VPS35L: variants seen among roughly 807,000 people sequenced by gnomAD.
VPS35L encodes VPS35 endosomal protein-sorting factor-like.
VPS35L carries 83 observed loss-of-function variants against 133.0 expected under a neutral mutation model. That is an observed-to-expected ratio of 0.62 (90% CI 0.52 to 0.75). VPS35L has a LOEUF of 0.75. Ranked by LOEUF, VPS35L falls within the 30% of genes least tolerant of loss-of-function variation. The pLI is 0.00. For synonymous variants in VPS35L, 423 were observed against 449.9 expected (o/e 0.94, Z 0.76); for missense variants, 1,083 against 1,206.8 (o/e 0.90, Z 1.52).
intron 8 of VPS35L, among the ~76,000 whole-genome samples, chr16:19,594,837 G>T (rs1972158166): frequency 6.6e-6 from 1 of 151,894 alleles, no homozygotes; most frequent in African/African-American, 2.4e-5. Context: ...AGGTGAGGGG[G>T]TAGGGGTGCA....
At chr16:19,609,478 T>C (rs1972640708) in intron 11 of VPS35L, among the ~76,000 whole-genome samples, 1 of 152,116 alleles carries the variant, frequency 6.6e-6, no homozygotes, top group African/African-American at 2.4e-5. Context: ...CTGTTGATGA[T>C]GATGATGATG....
At chr16:19,608,347 A>G in intron 10 of VPS35L, 73 bp downstream of exon 10, 1 of 1,091,078 alleles carries the variant, frequency 9.2e-7, no homozygotes, top group East Asian at 2.4e-5. Flanking sequence ...AATAGAAGCC[A>G]TGTGATGGGA....
intron 16 of VPS35L, among the ~76,000 whole-genome samples, 195 bp from the exon 17 acceptor site, chr16:19,628,442 A>T (rs1166984084): frequency 6.6e-6 from 1 of 152,208 alleles, no homozygotes; most frequent in Non-Finnish European, 1.5e-5. Context: ...TTAGACCAAC[A>T]GATGGAGCTA....
chr16:19,580,049 A>G (rs1971660532), intron 6 of VPS35L, among the ~76,000 whole-genome samples: 1 of 150,606 alleles, frequency 6.6e-6, no homozygotes, highest in African/African-American at 2.4e-5. Context: ...AAAATACAAA[A>G]ATTAGCTGGG....
chr16:19,630,212 A>G lies in VPS35L; in HGVS notation c.1554+392A>G, dbSNP rs192579070. On this transcript the variant is annotated intron_variant, in intron 18 of 30. Transcript: ENST00000417362. ...ATTTCTTTCCCTAGGCACAGACTAG[A>G]ACCACAGTTAGGGGAATACTGGGCT... Among the ~76,000 whole-genome samples, 235 of 152,284 alleles carry G rather than the reference A, an allele frequency of 1.5e-3. 2 individuals carry two copies. The highest frequency in any genetic ancestry group is 4.9e-3 in the African/African-American group (202 of 41,574).
intron 12 of VPS35L, chr16:19,611,769 TG>T (rs36098285): frequency 6.6e-6 from 1 of 151,830 alleles, no homozygotes. Context: ...GCTTGAAACC[TG>T]GGGGGGATTT....
At chr16:19,631,780 C>G (rs1973463227) in intron 18 of VPS35L, among the ~76,000 whole-genome samples, 1 of 152,184 alleles carries the variant, frequency 6.6e-6, no homozygotes, top group African/African-American at 2.4e-5. Context: ...GCAATCGTCA[C>G]TCACTCCAGC....
intron 12 of VPS35L, among the ~76,000 whole-genome samples, chr16:19,611,466 C>G (rs983631662): frequency 6.6e-6 from 1 of 152,188 alleles, no homozygotes; most frequent in Admixed American, 6.5e-5. Flanking sequence ...GACAAAGCTG[C>G]AGTTAGAGCC....
chr16:19,647,489 T>TA (rs1973986224), intron 23 of VPS35L, among the ~76,000 whole-genome samples: 1 of 152,292 alleles, frequency 6.6e-6, no homozygotes, highest in Non-Finnish European at 1.5e-5. Context: ...GTGTGACTGT[T>TA]ACGATGGCAA....
intron 8 of VPS35L, among the ~76,000 whole-genome samples, chr16:19,595,312 C>T (rs1281654928): frequency 6.6e-6 from 1 of 152,068 alleles, no homozygotes; most frequent in Non-Finnish European, 1.5e-5. Context: ...GTGGCTTGGC[C>T]CCGGGAGGCG....
chr16:19,567,496 T>C (rs1971225264), intron 2 of VPS35L, among the ~76,000 whole-genome samples: 1 of 152,060 alleles, frequency 6.6e-6, no homozygotes, highest in Non-Finnish European at 1.5e-5. Context: ...AAATAAAAAT[T>C]GGGGTATTAA....
At chr16:19,559,281 G>T (rs1040963785) in intron 1 of VPS35L, among the ~76,000 whole-genome samples, 9 of 152,184 alleles carry the variant, frequency 5.9e-5, no homozygotes. Flanking sequence ...CTGTAGGCCT[G>T]GGGTATTTCA....
chr16:19,647,824 A>G lies in VPS35L; in HGVS notation c.1970A>G (p.Tyr657Cys). The G allele has an allele frequency of 6.2e-7, 1 of 1,614,078 alleles. No individual in the cohort carries two copies. Among genetic ancestry groups the G allele is most frequent in the East Asian group, 2.2e-5 (1 of 44,876 alleles). ...GATTTTGAACAACAGCTGAGTTTTT[A>G]TGTTGAGTCCAGGTCGATGTTTTGC... ...GRDFEQQLSF[Y>C]VESRSMFCNL... Residue 657 changes from tyrosine to cysteine, a missense_variant, in exon 24 of 31, where the codon TAT (tyrosine) becomes TGT (cysteine). Transcript: ENST00000417362.
At chr16:19,588,355 T>A (rs1371074450) in intron 7 of VPS35L, among the ~76,000 whole-genome samples, 1 of 151,324 alleles carries the variant, frequency 6.6e-6, no homozygotes, top group African/African-American at 2.4e-5. Context: ...CCCGGCTGAT[T>A]TTTGTATTTT....
In VPS35L at chr16:19,699,509, A is replaced by G. The variant is rs1323380489; in HGVS notation, c.2654A>G (p.Lys885Arg). ...LKTLAKDEAL[K>R]RQSSLGLSFF... ...CTCCCTTTTCTGTTTCAGGCCCTGA[A>G]GCGCCAGAGCTCGTTGGGCCTTTCC... The change falls in exon 30 of 31, where the codon AAG becomes AGG. Residue 885 changes from lysine (K) to arginine (R), a missense_variant. By Grantham distance (26) the Lys-to-Arg change is conservative. Transcript: ENST00000417362. The surrounding 1 kb of genome is among the most constrained non-coding windows in gnomAD (Gnocchi z 4.2). The G allele has an allele frequency of 6.2e-7, 1 of 1,614,122 alleles. No homozygotes were observed. Among genetic ancestry groups the G allele is most frequent in the South Asian group, 1.1e-5 (1 of 91,080 alleles).
Position 19,647,788 on chromosome 16 carries a change from C to T in VPS35L, c.1934C>T (p.Ser645Phe), listed in dbSNP as rs775335412. The change falls in exon 24 of 31, where the codon TCC becomes TTC. Residue 645 changes from serine to phenylalanine, a missense_variant. Ser to Phe is a radical substitution (Grantham distance 155, BLOSUM62 -2). Transcript: ENST00000417362. The stretch of plus-strand genomic sequence containing the variant: ...CGTCTTTCTCCTTGATTCTAGGTTT[C>T]CTTTGGCCGTGATTTTGAACAACAG... ...YLINGFIKMVSFGRDFEQQLS... is the reference protein window; with the variant it reads ...YLINGFIKMVFFGRDFEQQLS... 48 of 1,613,736 alleles carry T rather than the reference C, an allele frequency of 3.0e-5. No individual in the cohort carries two copies. Among genetic ancestry groups the T allele is most frequent in the Non-Finnish European group, 4.0e-5 (47 of 1,179,836 alleles).
At chr16:19,674,531 C>T (rs764063510) in intron 27 of VPS35L, among the ~76,000 whole-genome samples, 5 of 152,030 alleles carry the variant, frequency 3.3e-5, no homozygotes, top group Non-Finnish European at 7.4e-5. Context: ...TTATTTGTTA[C>T]CTTTCAGGTC....
At chr16:19,568,961 T>C (rs1022543441) in intron 2 of VPS35L, among the ~76,000 whole-genome samples, 8 of 152,094 alleles carry the variant, frequency 5.3e-5, no homozygotes, top group South Asian at 4.2e-4. Context: ...TTAACTTTTA[T>C]GAGGTGTTCA....
intron 24 of VPS35L, among the ~76,000 whole-genome samples, chr16:19,648,528 T>G (rs1324897989): frequency 6.6e-6 from 1 of 152,118 alleles, no homozygotes; most frequent in East Asian, 1.9e-4. Context: ...TAACTTTTTA[T>G]GGTGCCCTCA....
Sources: allele counts gnomAD v4.1 joint callset (sites outside exome capture counted in the v4.1 genomes callset), GRCh38; gene constraint gnomAD v4.1.1; non-coding constraint Gnocchi (gnomAD v3.1); transcripts MANE v1.5; gene names NCBI Gene and HGNC (gene_info 2026-07-23, HGNC 2026-07-21).